Variants in DTD1 observed in about 807,000 individuals in gnomAD.
DTD1 encodes the protein D-aminoacyl-tRNA deacylase 1.
Under a neutral mutation model 25.6 loss-of-function variants are expected in DTD1, and 13 were observed. That is an observed-to-expected ratio of 0.51 (90% CI 0.33 to 0.81). DTD1 has a LOEUF of 0.81. DTD1 is among the 30% of genes least tolerant of loss of function. DTD1 has a pLI of 0.02. For synonymous variants in DTD1, 110 were observed against 103.6 expected, an observed-to-expected ratio of 1.06 and a Z score of -0.37; for missense variants, 193 against 266.4, an observed-to-expected ratio of 0.72 and a Z score of 1.92.
intron 5 of DTD1, among the ~76,000 whole-genome samples, chr20:18,751,064 C>CGTGTGTGTGTGT (rs144204072): frequency 0.045 from 6,794 of 150,300 alleles, 195 homozygotes; most frequent in Non-Finnish European, 0.065. Context: ...CTACAGCAGC[C>CGTGTGTGTGTGT]GTGTGTGTGT....
chr20:18,743,689 A>AAAAAG (rs1555804072), intron 4 of DTD1, among the ~76,000 whole-genome samples: 3,726 of 120,498 alleles, frequency 0.031, 97 homozygotes, highest in Non-Finnish European at 0.043. Context: ...AAAAAAAAAA[A>AAAAAG]AAAAGAAAAG....
At chr20:18,610,898 C>CTCCAAACTCTTT (rs201772628) in intron 3 of DTD1, 1 of 151,650 alleles carries the variant, frequency 6.6e-6, no homozygotes, top group Admixed American at 6.6e-5. Context: ...GGTGACAGAG[C>CTCCAAACTCTTT]GAGACCCTGT....
chr20:18,647,182 T>G (rs1156819014), intron 4 of DTD1, among the ~76,000 whole-genome samples: 1 of 152,238 alleles, frequency 6.6e-6, no homozygotes, highest in Non-Finnish European at 1.5e-5. Context: ...AGTGAGAGGC[T>G]CATTTCTGTA....
At chr20:18,692,395 T>A (rs566258741) in intron 4 of DTD1, among the ~76,000 whole-genome samples, 35 of 152,360 alleles carry the variant, frequency 2.3e-4, no homozygotes, top group Non-Finnish European at 5.0e-4. Context: ...CTGCTTCCTT[T>A]GGCTATTTGC....
In DTD1 at chr20:18,749,521, A is replaced by G. The variant is rs111605437; in HGVS notation, c.*19+5250A>G. Among the ~76,000 whole-genome samples the G allele has an allele frequency of 1.1e-4, 17 of 152,262 alleles. No homozygotes were observed. The East Asian group carries it at 2.1e-3, about 19-fold the overall frequency. ...GGCCTCAGCTCTTCATAGCACTGAC[A>G]GTCCCTCCAGGTCTCAGCTGTGACC... On this transcript the variant is annotated intron_variant, in intron 5 of 5. Coordinates refer to ENST00000377452, the MANE Select transcript of DTD1 (RefSeq NM_080820.6). This position sits in a 1 kb window ranked among gnomAD's most constrained non-coding sequence, Gnocchi z 4.2.
chr20:18,664,505 GA>G (rs2060924042), intron 4 of DTD1, among the ~76,000 whole-genome samples: 1 of 152,134 alleles, frequency 6.6e-6, no homozygotes, highest in South Asian at 2.1e-4. Context: ...TCGGTGATGG[GA>G]AATTCTACAG....
chr20:18,654,718 C>T (rs892487944), intron 4 of DTD1, among the ~76,000 whole-genome samples: 2 of 152,058 alleles, frequency 1.3e-5, no homozygotes, highest in African/African-American at 2.4e-5. Flanking sequence ...ATCTCCAGAA[C>T]CTGTATTTTT....
At chr20:18,724,400 A>G (rs923300973) in intron 4 of DTD1, among the ~76,000 whole-genome samples, 6 of 152,158 alleles carry the variant, frequency 3.9e-5, no homozygotes, top group Non-Finnish European at 8.8e-5. Flanking sequence ...GGGTGATGAT[A>G]TTTATTGCCC....
intron 4 of DTD1, among the ~76,000 whole-genome samples, chr20:18,724,393 T>C (rs923875086): frequency 6.6e-6 from 1 of 152,150 alleles, no homozygotes; most frequent in Non-Finnish European, 1.5e-5. Flanking sequence ...GGGAGAGGGG[T>C]GATGATATTT....
chr20:18,596,283 C>A, intron 3 of DTD1, 42 bp downstream of exon 3: 1 of 1,522,696 alleles, frequency 6.6e-7, no homozygotes, highest in East Asian at 2.3e-5. Flanking sequence ...CTTTGGGACA[C>A]TCCTGGATGG....
intron 3 of DTD1, among the ~76,000 whole-genome samples, chr20:18,599,442 T>G (rs1238442200): frequency 6.6e-6 from 1 of 152,242 alleles, no homozygotes; most frequent in African/African-American, 2.4e-5. Context: ...CCCAAAGTGC[T>G]GGGATTACAG....
In DTD1 at chr20:18,625,316, G is replaced by T. The variant is rs77128181; in HGVS notation, c.371-2811G>T. ...AATACACCCATTTGCTGACAAAACA[G>T]ATATTTTCACCACCAAGTCACTTAG... On this transcript the variant is annotated intron_variant, in intron 3 of 5. Coordinates refer to ENST00000377452, the MANE Select transcript of DTD1 (RefSeq NM_080820.6). 3.5e-3 allele frequency among the ~76,000 whole-genome samples: 526 copies of T among 152,336 alleles called. 1 individual carries two copies. Among genetic ancestry groups the T allele is most frequent in the African/African-American group, 0.012 (484 of 41,572 alleles).
intron 4 of DTD1, among the ~76,000 whole-genome samples, chr20:18,723,527 A>G (rs888350286): frequency 6.6e-5 from 10 of 152,268 alleles, no homozygotes; most frequent in Non-Finnish European, 1.3e-4. Context: ...AATAGAGCCC[A>G]TGGCTAGCCT....
intron 3 of DTD1, among the ~76,000 whole-genome samples, chr20:18,606,917 T>TA (rs1393403058): frequency 4.0e-5 from 6 of 149,766 alleles, no homozygotes; most frequent in Non-Finnish European, 8.9e-5. Flanking sequence ...CCCTAAAACT[T>TA]AAAGTATAAT....
chr20:18,692,764 TTC>T (rs1382378254), intron 4 of DTD1, among the ~76,000 whole-genome samples: 1 of 152,204 alleles, frequency 6.6e-6, no homozygotes, highest in Non-Finnish European at 1.5e-5. Flanking sequence ...TGAAAAATCT[TTC>T]TGCCAAACAG....
intron 4 of DTD1, among the ~76,000 whole-genome samples, chr20:18,659,841 A>G (rs2060902576): frequency 6.6e-6 from 1 of 152,214 alleles, no homozygotes; most frequent in Non-Finnish European, 1.5e-5. Flanking sequence ...TGATAGGTAC[A>G]GCAAACCACC....
At chr20:18,667,582 C>A (rs1041743266) in intron 4 of DTD1, among the ~76,000 whole-genome samples, 1 of 152,150 alleles carries the variant, frequency 6.6e-6, no homozygotes, top group Non-Finnish European at 1.5e-5. Flanking sequence ...TGGCATACAG[C>A]GGGTGTTTTT....
At chr20:18,629,784 A>T (rs1417746466) in intron 4 of DTD1, among the ~76,000 whole-genome samples, 1 of 152,074 alleles carries the variant, frequency 6.6e-6, no homozygotes, top group African/African-American at 2.4e-5. Flanking sequence ...GAAACTTACA[A>T]TCATGGTGGA....
chr20:18,672,809 T>G (rs1381426103), intron 4 of DTD1, among the ~76,000 whole-genome samples: 1 of 152,164 alleles, frequency 6.6e-6, no homozygotes, highest in African/African-American at 2.4e-5. Flanking sequence ...CTAGCAAACT[T>G]CCTTTAGTTA....
Sources: gnomAD v4.1 joint callset for allele counts (sites outside exome capture counted in the v4.1 genomes callset) on GRCh38, gnomAD v4.1.1 for gene constraint, Gnocchi (gnomAD v3.1) non-coding constraint, MANE v1.5 for transcripts, NCBI Gene and HGNC (gene_info 2026-07-23, HGNC 2026-07-21) for gene names.